Variants in SASH1 observed in about 807,000 individuals in gnomAD.
SASH1 encodes the protein SAM and SH3 domain containing 1.
Under a neutral mutation model 125.2 loss-of-function variants are expected in SASH1, and 44 were observed. The observed-to-expected ratio is 0.35, with a 90% confidence interval of 0.28 to 0.45. The LOEUF is 0.45. Among genes scored for constraint, SASH1 ranks in the 20% least tolerant of loss-of-function variants. The pLI, the probability that SASH1 is intolerant of heterozygous loss-of-function variation, is 1.00. For synonymous variants in SASH1, 639 were observed against 649.1 expected (o/e 0.98, Z 0.24); for missense variants, 1,426 against 1,614.5 (o/e 0.88, Z 2.00).
chr6:148,523,037 A>C (rs1380068994), intron 10 of SASH1, among the ~76,000 whole-genome samples: 2 of 152,222 alleles, frequency 1.3e-5, no homozygotes, highest in African/African-American at 2.4e-5. Flanking sequence ...CCATTCTTTC[A>C]GTTTTTCATT....
chr6:148,215,229 AACC>A, the SASH1 span, among the ~76,000 whole-genome samples: 3 of 152,230 alleles, frequency 2.0e-5, no homozygotes, highest in African/African-American at 7.2e-5. Context: ...TTCGGCCTAA[AACC>A]ACCTGTCTTA....
chr6:148,421,944 T>C (rs1021669272), intron 2 of SASH1, among the ~76,000 whole-genome samples: 35 of 152,238 alleles, frequency 2.3e-4, no homozygotes, highest in African/African-American at 8.0e-4. Context: ...TTTTATATAG[T>C]GAGCCATTTA....
chr6:148,381,785 C>T (rs933872836), intron 1 of SASH1, among the ~76,000 whole-genome samples: 4 of 151,590 alleles, frequency 2.6e-5, no homozygotes, highest in Non-Finnish European at 5.9e-5. Context: ...TGCACCACCA[C>T]GCCCAGCTAA....
chr6:148,270,385 T>TAC (rs1490916872), upstream of SASH1, among the ~76,000 whole-genome samples: 1 of 143,050 alleles, frequency 7.0e-6, no homozygotes, highest in Non-Finnish European at 1.5e-5. Context: ...TTTTAAAATT[T>TAC]TTTTTTGTAT....
At chr6:148,356,070 G>GTTTTTTTTTTTT (rs200129121) in intron 1 of SASH1, among the ~76,000 whole-genome samples, 17 of 139,784 alleles carry the variant, frequency 1.2e-4, no homozygotes, top group East Asian at 2.1e-4. Flanking sequence ...GTATCATTCT[G>GTTTTTTTTTTTT]TTTTTTTTTT....
chr6:148,301,695 C>T (rs1779949352), intron 1 of SASH1, among the ~76,000 whole-genome samples: 1 of 151,880 alleles, frequency 6.6e-6, no homozygotes, highest in African/African-American at 2.4e-5. Context: ...CCTTTCACCT[C>T]CGTCCCCCAA....
At chr6:148,219,444 C>G in the SASH1 span, among the ~76,000 whole-genome samples, 1 of 152,156 alleles carries the variant, frequency 6.6e-6, no homozygotes, top group African/African-American at 2.4e-5. Context: ...TCCTCAAATT[C>G]TTCTGACGCT....
Position 148,471,435 on chromosome 6 carries a change from A to G in SASH1, c.446A>G (p.Lys149Arg). Residue 149 changes from lysine (K) to arginine (R), a missense_variant, in exon 6 of 20, where the codon AAG becomes AGG. Physicochemically the swap from Lys to Arg is conservative, Grantham distance 26. Transcript: ENST00000367467. The part of the protein sequence containing the change: ...DSSVGKGDWK[K>R]KNKYFWQNFR... Reference sequence around the variant, plus strand: ...TTTTAAGGAAAAGGAGACTGGAAGAAGAAAAATAAGTATTTCTGGCAGAAC... The same window carrying G: ...TTTTAAGGAAAAGGAGACTGGAAGAGGAAAAATAAGTATTTCTGGCAGAAC... The G allele has an allele frequency of 6.4e-7, 1 of 1,553,436 alleles. No homozygotes were observed. The highest frequency in any genetic ancestry group is 8.8e-7 in the Non-Finnish European group (1 of 1,138,622).
chr6:148,423,919 A>G (rs1775687127), intron 2 of SASH1, among the ~76,000 whole-genome samples: 1 of 152,008 alleles, frequency 6.6e-6, no homozygotes. Flanking sequence ...GATAAATTAT[A>G]CCACAATAAC....
chr6:148,463,199 C>T (rs1777693467), intron 4 of SASH1, among the ~76,000 whole-genome samples: 1 of 151,272 alleles, frequency 6.6e-6, no homozygotes, highest in Non-Finnish European at 1.5e-5. Context: ...GGCTGGAGTG[C>T]AGTGGCGCAA....
rs181402174 is a variant in SASH1 at position 148,358,340 on chromosome 6, T to C, written c.156+15117T>C. Among the ~76,000 whole-genome samples, 359 of 152,314 alleles carry C rather than the reference T, an allele frequency of 2.4e-3. 2 individuals carry two copies. Among genetic ancestry groups the C allele is most frequent in the African/African-American group, 8.5e-3 (354 of 41,578 alleles). ...AAGTGAAAGCAGATTGGTTTGAATCTTGCATTTGCTGGTTGGCTCAAGAGA... is the reference window on the plus strand; with the variant it reads ...AAGTGAAAGCAGATTGGTTTGAATCCTGCATTTGCTGGTTGGCTCAAGAGA... On this transcript the variant is annotated intron_variant, in intron 1 of 19. Transcript: ENST00000367467.
chr6:148,270,953 A>G (rs1779048301), upstream of SASH1, among the ~76,000 whole-genome samples: 1 of 130,364 alleles, frequency 7.7e-6, no homozygotes, highest in African/African-American at 3.0e-5. Context: ...CTTGTCGCCC[A>G]CGCTGGAGTG....
At chr6:148,383,476 T>C (rs4895752) in intron 1 of SASH1, among the ~76,000 whole-genome samples, 68,801 of 151,946 alleles carry the variant, frequency 0.45, 15,943 homozygotes, top group South Asian at 0.61. Context: ...AGTCTGTCTT[T>C]CTCTCAACTT....
intron 2 of SASH1, among the ~76,000 whole-genome samples, chr6:148,394,429 G>A (rs1783861178): frequency 6.6e-6 from 1 of 152,120 alleles, no homozygotes; most frequent in African/African-American, 2.4e-5. Context: ...TTCCTGATGG[G>A]AACTCATTTC....
chr6:148,509,783 T>A (rs760495324), intron 8 of SASH1, among the ~76,000 whole-genome samples: 2 of 152,244 alleles, frequency 1.3e-5, no homozygotes, highest in Non-Finnish European at 2.9e-5. Context: ...CACAAATGTT[T>A]GTACTCACAG....
the SASH1 span, among the ~76,000 whole-genome samples, chr6:148,212,179 G>A: frequency 5.9e-5 from 9 of 152,292 alleles, no homozygotes; most frequent in South Asian, 2.1e-4. Context: ...TAGGAGAACC[G>A]GGAGAAGAGG....
At chr6:148,449,497 C>T (rs188687226) in intron 4 of SASH1, among the ~76,000 whole-genome samples, 80 of 151,980 alleles carry the variant, frequency 5.3e-4, no homozygotes, top group Admixed American at 1.5e-3. Context: ...AAGTGATTCT[C>T]CTGCCTCAGC....
intron 2 of SASH1, among the ~76,000 whole-genome samples, chr6:148,437,201 T>G (rs141997151): frequency 6.6e-6 from 1 of 152,320 alleles, no homozygotes; most frequent in East Asian, 1.9e-4. Flanking sequence ...GCCAATAGTT[T>G]ATTCCATTTT....
chr6:148,237,037 C>T, the SASH1 span, among the ~76,000 whole-genome samples: 4 of 152,222 alleles, frequency 2.6e-5, no homozygotes, highest in Non-Finnish European at 5.9e-5. Flanking sequence ...ACTTCCCAAC[C>T]TCTGGAACTG....
Sources: allele counts gnomAD v4.1 joint callset (sites outside exome capture counted in the v4.1 genomes callset), GRCh38; gene constraint gnomAD v4.1.1; transcripts MANE v1.5; gene names NCBI Gene and HGNC (gene_info 2026-07-23, HGNC 2026-07-21).